Variants in ADARB2 observed in about 807,000 individuals in gnomAD.
ADARB2 encodes inactive double-stranded RNA-specific editase B2.
ADARB2 carries 25 observed loss-of-function variants against 62.2 expected under a neutral mutation model. The ratio of observed to expected loss-of-function variants is 0.40; its 90% CI spans 0.29 to 0.56. The LOEUF is 0.56. ADARB2 is among the 20% of genes least tolerant of loss of function. The pLI is 0.43. For missense variants in ADARB2, 1,071 were observed against 1,077.4 expected (o/e 0.99, Z 0.08); for synonymous variants, 572 against 500.8 (o/e 1.14, Z -1.90).
intron 1 of ADARB2, among the ~76,000 whole-genome samples, chr10:1,655,140 A>T (rs533806979): frequency 1.3e-5 from 2 of 152,200 alleles, no homozygotes; most frequent in Admixed American, 6.5e-5. Context: ...CCTTTCCTTG[A>T]GGTTTCTCTG....
intron 3 of ADARB2, among the ~76,000 whole-genome samples, chr10:1,296,580 C>G (rs1309451249): frequency 6.6e-6 from 1 of 152,084 alleles, no homozygotes; most frequent in Non-Finnish European, 1.5e-5. Context: ...GCCAAGTGCT[C>G]CATCACAAAC....
intron 1 of ADARB2, among the ~76,000 whole-genome samples, chr10:1,464,512 C>T (rs10903460): frequency 0.07 from 3,537 of 50,636 alleles, 236 homozygotes; most frequent in East Asian, 0.17. Context: ...GGCAGCGCGC[C>T]GGAGAAGAGG....
At chr10:1,640,512 C>T (rs1833967996) in intron 1 of ADARB2, among the ~76,000 whole-genome samples, 1 of 152,154 alleles carries the variant, frequency 6.6e-6, no homozygotes, top group African/African-American at 2.4e-5. Context: ...ATGAGGAAAA[C>T]ACAATTGAGA....
At chr10:1,627,104 C>T (rs1427119273) in intron 1 of ADARB2, among the ~76,000 whole-genome samples, 2 of 152,172 alleles carry the variant, frequency 1.3e-5, no homozygotes, top group Non-Finnish European at 2.9e-5. Context: ...CAGTCACCCA[C>T]TCGAACTGGA....
chr10:1,458,689 C>T (rs76081010), intron 1 of ADARB2, among the ~76,000 whole-genome samples: 9,841 of 152,152 alleles, frequency 0.065, 466 homozygotes, highest in East Asian at 0.18. Context: ...AGCTAAAAAT[C>T]AATTAGTTCT....
chr10:1,465,586 G>A (rs1022673931), intron 1 of ADARB2, among the ~76,000 whole-genome samples: 11 of 152,254 alleles, frequency 7.2e-5, no homozygotes, highest in African/African-American at 2.4e-4. Context: ...CTCTGGCAGG[G>A]CAATTCCCCT....
chr10:1,317,897 C>T (rs2242422), intron 3 of ADARB2, among the ~76,000 whole-genome samples: 3,703 of 152,252 alleles, frequency 0.024, 83 homozygotes, highest in East Asian at 0.11. Flanking sequence ...GTACCCATCC[C>T]GTCACTTCCC....
At chr10:1,232,811 GAT>G (rs1014704156) in intron 6 of ADARB2, among the ~76,000 whole-genome samples, 1 of 150,884 alleles carries the variant, frequency 6.6e-6, no homozygotes, top group Non-Finnish European at 1.5e-5. Flanking sequence ...TGTGTGTAGT[GAT>G]ATGCATGTGC....
At chr10:1,534,309 G>A (rs1253207200) in intron 1 of ADARB2, among the ~76,000 whole-genome samples, 1 of 152,104 alleles carries the variant, frequency 6.6e-6, no homozygotes. Context: ...GCTAATTTTT[G>A]TATTTTTAAT....
intron 6 of ADARB2, among the ~76,000 whole-genome samples, chr10:1,230,502 G>C (rs1830794517): frequency 6.6e-6 from 1 of 152,178 alleles, no homozygotes; most frequent in Non-Finnish European, 1.5e-5. Context: ...GGGTAACAAA[G>C]ACATACACCG....
intron 1 of ADARB2, among the ~76,000 whole-genome samples, chr10:1,664,052 T>G (rs1199773803): frequency 6.6e-6 from 1 of 152,242 alleles, no homozygotes; most frequent in Non-Finnish European, 1.5e-5. Context: ...AACAGCTGTT[T>G]CTGTGCAGTT....
chr10:1,512,631 A>G lies in ADARB2; in HGVS notation c.101-133471T>C, dbSNP rs2813447. On this transcript the variant is annotated intron_variant, in intron 1 of 9. Coordinates refer to ENST00000381312, the MANE Select transcript of ADARB2 (RefSeq NM_018702.4). ...AGAGCTGGGATGCAAATTCAAGAGC[A>G]CATGATTCTGAAGCAAATTATTTCC... Among the ~76,000 whole-genome samples the G allele has an allele frequency of 7.2e-3, 1,100 of 152,382 alleles. 16 individuals are homozygous for G. Among genetic ancestry groups the G allele is most frequent in the African/African-American group, 0.025 (1,053 of 41,582 alleles).
intron 4 of ADARB2, among the ~76,000 whole-genome samples, chr10:1,245,581 TG>T (rs1181508781): frequency 3.3e-5 from 5 of 149,762 alleles, no homozygotes; most frequent in Admixed American, 2.7e-4. Context: ...AGTGAGGACA[TG>T]CGGTGTTTGG....
At chr10:1,231,468 T>C (rs1348956007) in intron 6 of ADARB2, among the ~76,000 whole-genome samples, 6 of 152,120 alleles carry the variant, frequency 3.9e-5, no homozygotes, top group African/African-American at 1.4e-4. Flanking sequence ...TTTCTGTCTC[T>C]CTCTTCCTGA....
At chr10:1,231,231 G>C (rs1199172696) in intron 6 of ADARB2, among the ~76,000 whole-genome samples, 2 of 152,192 alleles carry the variant, frequency 1.3e-5, no homozygotes, top group Admixed American at 6.5e-5. Flanking sequence ...CATTTGGCGG[G>C]ACTTTTCCTC....
At chr10:1,386,691 C>G (rs1832528252) in intron 1 of ADARB2, among the ~76,000 whole-genome samples, 1 of 151,864 alleles carries the variant, frequency 6.6e-6, no homozygotes, top group African/African-American at 2.4e-5. Context: ...AGGGTAGAAA[C>G]ATACATAATG....
chr10:1,522,153 G>C (rs1450670480), intron 1 of ADARB2, among the ~76,000 whole-genome samples: 1 of 152,154 alleles, frequency 6.6e-6, no homozygotes. Flanking sequence ...TTATTTTAGT[G>C]TTGAGACCCT....
At chr10:1,526,439 G>A (rs994002566) in intron 1 of ADARB2, among the ~76,000 whole-genome samples, 1 of 152,022 alleles carries the variant, frequency 6.6e-6, no homozygotes, top group Non-Finnish European at 1.5e-5. Flanking sequence ...GCCTGGTGGG[G>A]GATGCTGGGG....
intron 1 of ADARB2, among the ~76,000 whole-genome samples, chr10:1,586,762 G>A (rs1833186356): frequency 6.6e-6 from 1 of 152,132 alleles, no homozygotes; most frequent in African/African-American, 2.4e-5. Context: ...TACTGTAGCT[G>A]GGAAGAAAAA....
Sources: gnomAD v4.1 joint callset for allele counts (sites outside exome capture counted in the v4.1 genomes callset) on GRCh38, gnomAD v4.1.1 for gene constraint, MANE v1.5 for transcripts, NCBI Gene and HGNC (gene_info 2026-07-23, HGNC 2026-07-21) for gene names.